The following EYA3 variants were observed in gnomAD, a reference collection of about 807,000 sequenced individuals.
The protein encoded by EYA3 is protein phosphatase EYA3.
A neutral mutation model predicts 80.0 loss-of-function variants in EYA3; 39 were observed. That is an observed-to-expected ratio of 0.49 (90% CI 0.38 to 0.64). The LOEUF (loss-of-function observed/expected upper bound fraction) is 0.64. EYA3 is among the 30% of genes least tolerant of loss of function. The probability of loss-of-function intolerance (pLI) is 0.00; values close to 1 mark genes in which losing one functional copy is unlikely to be tolerated. For synonymous variants in EYA3, 206 were observed against 232.8 expected, an observed-to-expected ratio of 0.88 and a Z score of 1.05; for missense variants, 523 against 676.1, an observed-to-expected ratio of 0.77 and a Z score of 2.51.
intron 1 of EYA3, among the ~76,000 whole-genome samples, chr1:28,069,658 G>C (rs1315650711): frequency 6.7e-6 from 1 of 150,026 alleles, no homozygotes; most frequent in African/African-American, 2.4e-5. Flanking sequence ...GGGTAGAAGA[G>C]GAAGAGAGGA....
chr1:28,010,618 G>A (rs564066413), intron 10 of EYA3, among the ~76,000 whole-genome samples: 5 of 152,132 alleles, frequency 3.3e-5, no homozygotes, highest in East Asian at 3.9e-4. Context: ...CGATCCTCCC[G>A]CTTCAGCCTC....
Position 27,973,091 on chromosome 1 carries a change from G to C in EYA3, c.*1375C>G, listed in dbSNP as rs1199303575. The C allele has an allele frequency of 6.6e-6, 1 of 152,194 alleles. No individual in the cohort carries two copies. The highest frequency in any genetic ancestry group is 1.5e-5 in the Non-Finnish European group (1 of 68,050). The allele number at this position is 152,194 out of a possible 1,614,324, so 9.4% of individuals were successfully genotyped here. On this transcript the variant is annotated 3_prime_UTR_variant, in exon 18 of 18. Transcript: ENST00000373871. ...AAAGTCTTTCTGGTTTCCTACTTTA[G>C]AATGGGATTTGAGAAGCAGGGTTTT...
chr1:28,064,448 G>C (rs1644759370), intron 1 of EYA3, among the ~76,000 whole-genome samples: 1 of 144,590 alleles, frequency 6.9e-6, no homozygotes, highest in Non-Finnish European at 1.5e-5. Context: ...AAAAAAAGAA[G>C]TGAACAAAGG....
At chr1:28,075,406 G>A (rs1330462748) in intron 1 of EYA3, among the ~76,000 whole-genome samples, 3 of 152,214 alleles carry the variant, frequency 2.0e-5, no homozygotes, top group Non-Finnish European at 4.4e-5. Context: ...ACTGCAAGGG[G>A]AAAGGTTGTT....
At chr1:28,076,477 G>A (rs186224256) in intron 1 of EYA3, among the ~76,000 whole-genome samples, 4 of 151,894 alleles carry the variant, frequency 2.6e-5, no homozygotes, top group Admixed American at 6.6e-5. Flanking sequence ...TTGGTAGGCC[G>A]AGGTGGGTGG....
At position 27,987,727 on chromosome 1, in the gene EYA3, C is replaced by G. The variant is rs184380453; in HGVS notation, c.1540+808G>C. Among the ~76,000 whole-genome samples, 130 of 152,330 alleles carry G rather than the reference C, an allele frequency of 8.5e-4. 2 individuals are homozygous for G. The highest frequency in any genetic ancestry group is 3.0e-3 in the African/African-American group (124 of 41,582). ...TTAGAGACGGAGTCTCGCTCTGTCACCCAGGCTGGAGTGCAGTGGCGCGAT... is the reference window on the plus strand; with the variant it reads ...TTAGAGACGGAGTCTCGCTCTGTCAGCCAGGCTGGAGTGCAGTGGCGCGAT... On this transcript the variant is annotated intron_variant, in intron 16 of 17. Coordinates refer to ENST00000373871, the MANE Select transcript of EYA3 (RefSeq NM_001990.4).
Position 28,061,593 on chromosome 1 carries a change from T to TG in EYA3, c.-68-3500_-68-3499insC, listed in dbSNP as rs547548141. ...GTATTAGTTCTAGAATTTAACGTGTTTTTTTTTTTTGTCTTTTGTTTTTTG... is the reference window on the plus strand; with the variant it reads ...GTATTAGTTCTAGAATTTAACGTGTTGTTTTTTTTTTGTCTTTTGTTTTTTG... On this transcript the variant is annotated intron_variant, in intron 1 of 17. Transcript: ENST00000373871. Among the ~76,000 whole-genome samples, 5 of 148,682 alleles carry TG rather than the reference T, an allele frequency of 3.4e-5. No homozygotes were observed. In the Middle Eastern group the frequency reaches 0.011, roughly 314 times the overall value.
At chr1:28,054,400 A>C (rs909860854) in intron 2 of EYA3, among the ~76,000 whole-genome samples, 3 of 152,228 alleles carry the variant, frequency 2.0e-5, no homozygotes, top group South Asian at 4.1e-4. Context: ...AATCTACAAA[A>C]TGTAAACAAT....
At chr1:28,062,532 C>A (rs1644667630) in intron 1 of EYA3, among the ~76,000 whole-genome samples, 1 of 152,100 alleles carries the variant, frequency 6.6e-6, no homozygotes, top group Non-Finnish European at 1.5e-5. Context: ...CTCATAGTTT[C>A]TGTTTTGTCC....
intron 2 of EYA3, among the ~76,000 whole-genome samples, chr1:28,054,943 T>C (rs1333024750): frequency 6.6e-6 from 1 of 152,218 alleles, no homozygotes; most frequent in Non-Finnish European, 1.5e-5. Context: ...CTGGAAACTA[T>C]AAACTAGTGC....
chr1:28,075,795 C>T (rs757623205), intron 1 of EYA3, among the ~76,000 whole-genome samples: 2 of 152,186 alleles, frequency 1.3e-5, no homozygotes, highest in Non-Finnish European at 2.9e-5. Context: ...ATACTTTTCG[C>T]TGTGATTTCT....
intron 4 of EYA3, 114 bp downstream of exon 4, chr1:28,042,457 A>G: frequency 2.5e-6 from 2 of 799,778 alleles, no homozygotes; most frequent in Admixed American, 4.4e-5. Flanking sequence ...AGGATGGGAG[A>G]GCCTTCAGGA....
chr1:27,989,156 C>T (rs1639861656), intron 15 of EYA3, among the ~76,000 whole-genome samples: 1 of 152,206 alleles, frequency 6.6e-6, no homozygotes, highest in African/African-American at 2.4e-5. Flanking sequence ...TCCTTGGTGT[C>T]AGCTTTACTG....
At chr1:27,998,217 TAGAATCTCCACTTTTA>T in intron 12 of EYA3, 1 of 593,008 alleles carries the variant, frequency 1.7e-6, no homozygotes, top group Non-Finnish European at 2.1e-6. Flanking sequence ...AGTGAAGTCC[TAGAATCTCCACTTTTA>T]AGAAGCTCCC....
chr1:28,044,778 G>A (rs1643940198), intron 3 of EYA3, among the ~76,000 whole-genome samples: 1 of 151,916 alleles, frequency 6.6e-6, no homozygotes, highest in Non-Finnish European at 1.5e-5. Flanking sequence ...GTTGGTTTTT[G>A]TTTTGTTTTT....
In EYA3 at chr1:28,013,389, A is replaced by C; in HGVS notation, c.586-95T>G. 1.8e-6 allele frequency: 2 copies of C among 1,101,808 alleles called. No individual in the cohort carries two copies. Among genetic ancestry groups the C allele is most frequent in the South Asian group, 2.1e-5 (1 of 47,440 alleles). The allele number at this position is 1,101,808 out of a possible 1,614,324, so 68.3% of individuals were successfully genotyped here. Reference sequence around the variant, plus strand: ...TTCTCCCTCTTTCTTATTCATAATTATTTTTCTAAAACATTAATTTGACTT... The same window carrying C: ...TTCTCCCTCTTTCTTATTCATAATTCTTTTTCTAAAACATTAATTTGACTT... On this transcript the variant is annotated intron_variant, in intron 8 of 17. Coordinates refer to ENST00000373871, the MANE Select transcript of EYA3 (RefSeq NM_001990.4). The surrounding 1 kb of genome is among the most constrained non-coding windows in gnomAD (Gnocchi z 4.0).
At position 28,014,186 on chromosome 1, in the gene EYA3, G is replaced by C. The variant is rs1365131760; in HGVS notation, c.586-892C>G. ...AATCCCAGCACTTTGGGAGGACGAG[G>C]TGGGAGGATCGCATGAGCTCAGGAG... On this transcript the variant is annotated intron_variant, in intron 8 of 17. Transcript: ENST00000373871. 2.0e-5 allele frequency among the ~76,000 whole-genome samples: 3 copies of C among 152,264 alleles called. No individual in the cohort carries two copies. The East Asian group carries it at 5.8e-4, about 29-fold the overall frequency.
intron 1 of EYA3, among the ~76,000 whole-genome samples, chr1:28,063,666 T>C (rs995665462): frequency 2.0e-5 from 3 of 152,110 alleles, no homozygotes; most frequent in Admixed American, 2.0e-4. Context: ...TTATTAGATA[T>C]GATTTTCCAA....
chr1:27,995,746 A>G (rs1442356010), intron 13 of EYA3, among the ~76,000 whole-genome samples: 1 of 152,098 alleles, frequency 6.6e-6, no homozygotes, highest in Non-Finnish European at 1.5e-5. Context: ...AAAGAAATTG[A>G]GTAAATATTA....
Sources: gnomAD v4.1 joint callset for allele counts (sites outside exome capture counted in the v4.1 genomes callset) on GRCh38, gnomAD v4.1.1 for gene constraint, Gnocchi (gnomAD v3.1) non-coding constraint, MANE v1.5 for transcripts, NCBI Gene and HGNC (gene_info 2026-07-23, HGNC 2026-07-21) for gene names.